Variants in NHSL3 observed in about 807,000 individuals in gnomAD.
The protein encoded by NHSL3 is NHS-like protein 3.
chr1:32,745,066 C>T, the NHSL3 span, among the ~76,000 whole-genome samples: 2 of 148,534 alleles, frequency 1.3e-5, no homozygotes, highest in African/African-American at 5.0e-5. Context: ...GCGGAGGTTG[C>T]AGTTAGCCAA....
chr1:32,764,869 C>T, the NHSL3 span, among the ~76,000 whole-genome samples: 1 of 152,186 alleles, frequency 6.6e-6, no homozygotes, highest in Non-Finnish European at 1.5e-5. Context: ...AGTACTTCTC[C>T]ACCTCACCTC....
the NHSL3 span, chr1:32,770,221 G>A: frequency 1.9e-5 from 30 of 1,604,564 alleles, no homozygotes; most frequent in Non-Finnish European, 2.6e-5. The surrounding 1 kb of genome is among the most constrained non-coding windows in gnomAD (Gnocchi z 8.3). Context: ...CTCCCCCCAG[G>A]CCACCTACCT....
chr1:32,769,624 G>GC, the NHSL3 span: 22 of 1,383,612 alleles, frequency 1.6e-5, no homozygotes, highest in Non-Finnish European at 2.1e-5. Flanking sequence ...TGCAGAATGT[G>GC]CCTGGAGTCC....
chr1:32,761,706 G>A, the NHSL3 span, among the ~76,000 whole-genome samples: 2 of 152,166 alleles, frequency 1.3e-5, no homozygotes, highest in African/African-American at 4.8e-5. Context: ...CAGAGACTAC[G>A]TTTTGCCTTT....
the NHSL3 span, among the ~76,000 whole-genome samples, chr1:32,761,727 T>C: frequency 6.6e-6 from 1 of 152,150 alleles, no homozygotes; most frequent in Non-Finnish European, 1.5e-5. Flanking sequence ...CACCACGACC[T>C]GGCATGGTGC....
the NHSL3 span, among the ~76,000 whole-genome samples, chr1:32,764,047 G>A: frequency 4.6e-5 from 7 of 151,982 alleles, no homozygotes. Context: ...TTTTTGTAGA[G>A]ATAGGATCTT....
the NHSL3 span, among the ~76,000 whole-genome samples, chr1:32,750,605 T>G: frequency 6.6e-6 from 1 of 151,960 alleles, no homozygotes. Context: ...CCTCCTGGGT[T>G]CAAGTGATTC....
At chr1:32,748,922 C>T in the NHSL3 span, among the ~76,000 whole-genome samples, 2 of 152,104 alleles carry the variant, frequency 1.3e-5, no homozygotes, top group African/African-American at 4.8e-5. Flanking sequence ...CATTGTTTTC[C>T]TAGGGTCCAG....
the NHSL3 span, chr1:32,772,943 C>T: frequency 1.3e-6 from 2 of 1,566,720 alleles, no homozygotes; most frequent in Non-Finnish European, 1.8e-6. Context: ...ATCTCAGGGA[C>T]CCGAGCAGCT....
At chr1:32,768,915 C>G in the NHSL3 span, 1 of 1,088,004 alleles carries the variant, frequency 9.2e-7, no homozygotes, top group Non-Finnish European at 1.3e-6. Context: ...TGTCCTCTTG[C>G]ACATTCGTGA....
the NHSL3 span, among the ~76,000 whole-genome samples, chr1:32,761,005 C>G: frequency 6.6e-6 from 1 of 152,156 alleles, no homozygotes; most frequent in Non-Finnish European, 1.5e-5. Flanking sequence ...CGCAGGTGTG[C>G]TTCCCGGTGT....
At chr1:32,770,933 C>T in the NHSL3 span, 4 of 1,611,248 alleles carry the variant, frequency 2.5e-6, no homozygotes, top group South Asian at 1.1e-5. This position sits in a 1 kb window ranked among gnomAD's most constrained non-coding sequence, Gnocchi z 8.3. Flanking sequence ...AGTGGATACT[C>T]GAGCCAAAGT....
the NHSL3 span, among the ~76,000 whole-genome samples, chr1:32,769,123 G>A: frequency 2.0e-5 from 3 of 152,016 alleles, no homozygotes; most frequent in Admixed American, 1.3e-4. Context: ...GCCTGATGGC[G>A]GGTGCCTGTA....
the NHSL3 span, among the ~76,000 whole-genome samples, chr1:32,743,909 C>A: frequency 6.6e-6 from 1 of 152,170 alleles, no homozygotes; most frequent in Non-Finnish European, 1.5e-5. Flanking sequence ...CTGGAGGTGG[C>A]CCTGGGTATG....
chr1:32,773,191 T>G, the NHSL3 span: 3 of 501,332 alleles, frequency 6.0e-6, no homozygotes, highest in Non-Finnish European at 1.1e-5. Flanking sequence ...CTGCTGGCCC[T>G]GAGGCTGCAG....
chr1:32,767,765 C>A, the NHSL3 span: 3 of 1,587,210 alleles, frequency 1.9e-6, no homozygotes, highest in Non-Finnish European at 2.6e-6. Flanking sequence ...ACCTCATTTC[C>A]CTTCCTCCTC....
At chr1:32,742,926 C>A in the NHSL3 span, among the ~76,000 whole-genome samples, 696 of 152,342 alleles carry the variant, frequency 4.6e-3, 4 homozygotes, top group Non-Finnish European at 8.0e-3. Context: ...TGTACCTGGG[C>A]TGGGGTGGGT....
the NHSL3 span, chr1:32,769,588 G>C: frequency 2.8e-6 from 3 of 1,055,920 alleles, no homozygotes; most frequent in Admixed American, 2.0e-5. Context: ...ATTTCTCGCA[G>C]AGCTCTTATT....
chr1:32,770,272 G>A, the NHSL3 span: 1 of 1,604,538 alleles, frequency 6.2e-7, no homozygotes, highest in East Asian at 2.2e-5. This position sits in a 1 kb window ranked among gnomAD's most constrained non-coding sequence, Gnocchi z 8.3. Context: ...GCCTACAGTG[G>A]ACGTGGTGGC....
Sources: allele counts gnomAD v4.1 joint callset (sites outside exome capture counted in the v4.1 genomes callset), GRCh38; gene constraint gnomAD v4.1.1; non-coding constraint Gnocchi (gnomAD v3.1); transcripts MANE v1.5; gene names NCBI Gene and HGNC (gene_info 2026-07-23, HGNC 2026-07-21).